SLC49A4: variants seen among roughly 807,000 people sequenced by gnomAD.
The protein encoded by SLC49A4 is solute carrier family 49 member 4.
In SLC49A4, 36 loss-of-function variants were observed where a neutral mutation model predicts 50.6. The ratio of observed to expected loss-of-function variants is 0.71; its 90% CI spans 0.55 to 0.94. The LOEUF is 0.94. Ranked by LOEUF, SLC49A4 falls within the 40% of genes least tolerant of loss-of-function variation. The pLI is 0.00. For missense variants in SLC49A4, 503 were observed against 605.7 expected, an observed-to-expected ratio of 0.83 and a Z score of 1.78; for synonymous variants, 248 against 241.2, an observed-to-expected ratio of 1.03 and a Z score of -0.26.
At chr3:122,857,929 G>A (rs1937008757) in intron 6 of SLC49A4, among the ~76,000 whole-genome samples, 1 of 152,016 alleles carries the variant, frequency 6.6e-6, no homozygotes, top group Non-Finnish European at 1.5e-5. Context: ...TATAATTAAA[G>A]GGAAAATTTA....
intron 1 of SLC49A4, among the ~76,000 whole-genome samples, chr3:122,799,420 A>G (rs766433420): frequency 6.6e-6 from 1 of 152,230 alleles, no homozygotes; most frequent in Non-Finnish European, 1.5e-5. Flanking sequence ...GCAAAGATAA[A>G]GATTCCAAAC....
intron 2 of SLC49A4, among the ~76,000 whole-genome samples, chr3:122,819,832 A>T (rs1936426469): frequency 6.6e-6 from 1 of 151,868 alleles, no homozygotes; most frequent in African/African-American, 2.4e-5. Flanking sequence ...ACTTTTTTTT[A>T]AAGTTTTTTT....
intron 2 of SLC49A4, among the ~76,000 whole-genome samples, chr3:122,818,732 C>A (rs1037421334): frequency 6.6e-6 from 1 of 152,028 alleles, no homozygotes; most frequent in African/African-American, 2.4e-5. Flanking sequence ...TTGCTTGAGG[C>A]CAGGAGTTCA....
In SLC49A4 at chr3:122,879,299, G is replaced by C. The variant is rs1274998378; in HGVS notation, c.1358G>C (p.Cys453Ser). The C allele has an allele frequency of 6.2e-7, 1 of 1,614,036 alleles. No individual in the cohort carries two copies. The highest frequency in any genetic ancestry group is 1.7e-4 in the Middle Eastern group (1 of 6,058). Residue 453 changes from cysteine to serine, a missense_variant, in exon 9 of 9, where the codon TGT becomes TCT. Physicochemically the swap from Cys to Ser is moderately radical, Grantham distance 112. Transcript: ENST00000261038. ...SWFNWCLPGS[C>S]LLSLLLILCF... The stretch of plus-strand genomic sequence containing the variant: ...TTCAACTGGTGCCTTCCCGGGTCGT[G>C]TTTGCTCAGTCTCCTCCTCATTCTG...
chr3:122,827,398 A>G (rs1056389537), intron 3 of SLC49A4, among the ~76,000 whole-genome samples: 5 of 152,230 alleles, frequency 3.3e-5, no homozygotes, highest in African/African-American at 9.6e-5. Context: ...GTCATGACTG[A>G]CAATAACCTT....
intron 8 of SLC49A4, among the ~76,000 whole-genome samples, chr3:122,876,861 A>G (rs2107585879): frequency 6.6e-6 from 1 of 152,310 alleles, no homozygotes; most frequent in South Asian, 2.1e-4. Flanking sequence ...AAAGTCGAGC[A>G]CCTGTCTAAA....
Position 122,795,337 on chromosome 3 carries a change from G to A in SLC49A4, c.145G>A (p.Gly49Arg), listed in dbSNP as rs1485874567. The change falls in exon 1 of 9, where the codon GGG (glycine) becomes AGG (arginine). Residue 49 changes from glycine to arginine, a missense_variant. Transcript: ENST00000261038. ...AAVPGPGRVYGRRWLVLLLFS... is the reference protein window; with the variant it reads ...AAVPGPGRVYRRRWLVLLLFS... ...GGTCCCGGGTCCCGGGCGGGTATAC[G>A]GGCGCCGCTGGCTGGTGCTGCTGCT... 1.9e-6 allele frequency: 3 copies of A among 1,547,314 alleles called. No homozygotes were observed. In the Admixed American group the frequency reaches 6.0e-5, roughly 31 times the overall value.
At chr3:122,844,796 A>T (rs1044113974) in intron 4 of SLC49A4, among the ~76,000 whole-genome samples, 11 of 151,994 alleles carry the variant, frequency 7.2e-5, no homozygotes, top group Non-Finnish European at 1.2e-4. Context: ...AAAAAAAAAA[A>T]ATTTCAAGAA....
intron 7 of SLC49A4, among the ~76,000 whole-genome samples, chr3:122,862,441 A>G (rs1385553864): frequency 6.6e-6 from 1 of 152,220 alleles, no homozygotes; most frequent in Non-Finnish European, 1.5e-5. Context: ...ACAGAGTAAA[A>G]TACTGTGCAC....
At chr3:122,798,778 C>T (rs1009500562) in intron 1 of SLC49A4, among the ~76,000 whole-genome samples, 10 of 149,544 alleles carry the variant, frequency 6.7e-5, no homozygotes, top group Middle Eastern at 6.9e-3. Context: ...GCTGAGACTA[C>T]AGGCACGCAC....
intron 2 of SLC49A4, 79 bp downstream of exon 2, chr3:122,807,029 T>C (rs1318705638): frequency 2.5e-6 from 2 of 792,560 alleles, no homozygotes; most frequent in Non-Finnish European, 4.1e-6. Context: ...CAGTAAAGGG[T>C]CATATTTATA....
intron 2 of SLC49A4, among the ~76,000 whole-genome samples, chr3:122,808,683 C>T (rs771636641): frequency 2.6e-5 from 4 of 152,036 alleles, no homozygotes; most frequent in Non-Finnish European, 2.9e-5. Context: ...CCATGGTGCT[C>T]GGCTGCTCCT....
rs80296702 is a variant in SLC49A4, at chr3:122,868,477, C to G, written c.1139-3938C>G. 2.5e-3 allele frequency among the ~76,000 whole-genome samples: 388 copies of G among 152,262 alleles called. 3 individuals are homozygous for G. Among genetic ancestry groups the G allele is most frequent in the African/African-American group, 9.2e-3 (382 of 41,550 alleles). On this transcript the variant is annotated intron_variant, in intron 7 of 8. Transcript: ENST00000261038. The stretch of plus-strand genomic sequence containing the variant: ...TTAATGATCATGTAGTTTGAACCCT[C>G]TATGACAAGCAGGAAATTATCTTGT...
intron 4 of SLC49A4, 69 bp downstream of exon 4, chr3:122,833,515 AT>A: frequency 7.1e-7 from 1 of 1,411,386 alleles, no homozygotes; most frequent in Non-Finnish European, 9.5e-7. Context: ...TTTTTAAAAA[AT>A]AATTTAAGAT....
At chr3:122,855,996 A>T (rs1283755290) in intron 5 of SLC49A4, among the ~76,000 whole-genome samples, 8 of 152,132 alleles carry the variant, frequency 5.3e-5, no homozygotes, top group Non-Finnish European at 8.8e-5. Context: ...TATGTTGGTT[A>T]TATTTAAACT....
intron 6 of SLC49A4, among the ~76,000 whole-genome samples, 198 bp downstream of exon 6, chr3:122,856,572 C>A (rs1214537320): frequency 6.6e-6 from 1 of 152,198 alleles, no homozygotes; most frequent in Non-Finnish European, 1.5e-5. Flanking sequence ...AATGGTGGCT[C>A]ACGCCTATAA....
At chr3:122,847,954 TA>T (rs1213781280) in intron 5 of SLC49A4, among the ~76,000 whole-genome samples, 1 of 152,224 alleles carries the variant, frequency 6.6e-6, no homozygotes, top group African/African-American at 2.4e-5. Context: ...AATTGATATT[TA>T]AACCAATTGA....
chr3:122,856,925 G>A (rs982138557), intron 6 of SLC49A4, among the ~76,000 whole-genome samples: 10 of 151,668 alleles, frequency 6.6e-5, no homozygotes, highest in African/African-American at 2.4e-4. Context: ...GACTGGAAAT[G>A]TATTTCCAGT....
chr3:122,806,902 G>A lies in SLC49A4; in HGVS notation c.389G>A (p.Gly130Glu). ...VLLTSFLMVL[G>E]TGLRCIPISD... ...CTGACATCCTTCCTTATGGTTTTGG[G>A]AACTGGTCTAAGATGCATACCTATA... Residue 130 changes from glycine to glutamate, a missense_variant, in exon 2 of 9, where the codon GGA (glycine) becomes GAA (glutamate). Physicochemically the swap from Gly to Glu is moderately conservative, Grantham distance 98. Coordinates refer to ENST00000261038, the MANE Select transcript of SLC49A4 (RefSeq NM_032839.3). 1 of 1,610,998 alleles carries A rather than the reference G, an allele frequency of 6.2e-7. No homozygotes were observed. The highest frequency in any genetic ancestry group is 8.5e-7 in the Non-Finnish European group (1 of 1,177,690).
Sources: gnomAD v4.1 joint callset for allele counts (sites outside exome capture counted in the v4.1 genomes callset) on GRCh38, gnomAD v4.1.1 for gene constraint, MANE v1.5 for transcripts, NCBI Gene and HGNC (gene_info 2026-07-23, HGNC 2026-07-21) for gene names.